Variants in PTER observed in about 807,000 individuals in gnomAD.
PTER encodes phosphotriesterase related, also known as N-acetyltaurine hydrolase.
A neutral mutation model predicts 29.6 loss-of-function variants in PTER; 38 were observed. The observed-to-expected ratio is 1.28, with a 90% CI of 0.99 to 1.68. The LOEUF is 1.68. Among genes scored for constraint, PTER ranks in the 40% most tolerant of loss-of-function variants. The pLI, the probability that PTER is intolerant of heterozygous loss-of-function variation, is 0.00. For synonymous variants in PTER, 172 were observed against 154.5 expected, an observed-to-expected ratio of 1.11 and a Z score of -0.84; for missense variants, 482 against 427.8, an observed-to-expected ratio of 1.13 and a Z score of -1.12.
At chr10:16,508,259 G>A (rs559572819) in intron 4 of PTER, among the ~76,000 whole-genome samples, 6 of 151,824 alleles carry the variant, frequency 4.0e-5, no homozygotes, top group South Asian at 2.1e-4. Flanking sequence ...TAGTAGAGAC[G>A]GGGTTTCACC....
At chr10:16,474,894 A>G (rs1835203252) in intron 1 of PTER, among the ~76,000 whole-genome samples, 2 of 152,066 alleles carry the variant, frequency 1.3e-5, no homozygotes, top group African/African-American at 4.8e-5. Context: ...CTCAAAAAAC[A>G]AAACAAAACA....
intron 1 of PTER, among the ~76,000 whole-genome samples, chr10:16,478,217 G>A (rs1194640136): frequency 6.6e-6 from 1 of 152,124 alleles, no homozygotes; most frequent in Non-Finnish European, 1.5e-5. Context: ...ACAGTGTCTT[G>A]ACAATAATAT....
intron 1 of PTER, chr10:16,476,108 G>A (rs1484155790): frequency 6.6e-6 from 1 of 151,946 alleles, no homozygotes; most frequent in African/African-American, 2.4e-5. Flanking sequence ...TTTTGAGATG[G>A]AGCCTCGCTC....
chr10:16,504,928 GT>G, intron 3 of PTER, 91 bp from the exon 4 acceptor site: 1 of 1,424,724 alleles, frequency 7.0e-7, no homozygotes, highest in Admixed American at 2.0e-5. Context: ...CTATGTTCTT[GT>G]TCTTGTACAT....
chr10:16,512,269 G>A lies in PTER; in HGVS notation c.*1013G>A, dbSNP rs1298926000. ...TGTAAATAAAATGTTTTTAAAACCT[G>A]TTAGTTAAAACACTTAGGTGATGGG... On this transcript the variant is annotated 3_prime_UTR_variant, in exon 5 of 5. Transcript: ENST00000535784. 6.6e-6 allele frequency: 1 copy of A among 152,074 alleles called. No homozygotes were observed. The highest frequency in any genetic ancestry group is 1.5e-5 in the Non-Finnish European group (1 of 67,978). 9.4% of individuals were successfully genotyped at this position (152,074 alleles called of 1,614,324 possible).
chr10:16,465,536 A>G (rs1245518731), intron 1 of PTER, among the ~76,000 whole-genome samples: 1 of 152,212 alleles, frequency 6.6e-6, no homozygotes, highest in Non-Finnish European at 1.5e-5. Context: ...ATCATTGGTC[A>G]CAAGCCTATA....
intron 1 of PTER, among the ~76,000 whole-genome samples, chr10:16,472,767 A>T (rs1835101294): frequency 6.6e-6 from 1 of 152,166 alleles, no homozygotes; most frequent in African/African-American, 2.4e-5. Context: ...TTGAAATTTG[A>T]ACAGTTTTCT....
At chr10:16,507,087 G>A (rs1836601918) in intron 4 of PTER, among the ~76,000 whole-genome samples, 1 of 151,688 alleles carries the variant, frequency 6.6e-6, no homozygotes. Flanking sequence ...GTTGAGATGA[G>A]GGTCATGGGA....
intron 1 of PTER, among the ~76,000 whole-genome samples, chr10:16,469,250 G>A (rs1395430459): frequency 6.6e-6 from 1 of 152,158 alleles, no homozygotes; most frequent in African/African-American, 2.4e-5. Context: ...CGACAGGGGA[G>A]AAGATAAAAA....
At chr10:16,504,976 A>G (rs1002990937) in intron 3 of PTER, 44 bp from the exon 4 acceptor site, 1 of 1,606,038 alleles carries the variant, frequency 6.2e-7, no homozygotes, top group African/African-American at 1.3e-5. Flanking sequence ...CATGTGGAAA[A>G]TGGGCTCTTC....
chr10:16,501,417 C>T (rs1836345058), intron 3 of PTER, among the ~76,000 whole-genome samples: 4 of 151,604 alleles, frequency 2.6e-5, no homozygotes, highest in Admixed American at 6.6e-5. Context: ...AAGCAGTTGT[C>T]ATGATTACCA....
chr10:16,500,798 T>C (rs1002783972), intron 3 of PTER, among the ~76,000 whole-genome samples: 3 of 152,112 alleles, frequency 2.0e-5, no homozygotes, highest in African/African-American at 7.2e-5. Flanking sequence ...TGGAGTCTAG[T>C]GGTGTGACCA....
chr10:16,455,187 C>T (rs927981478), intron 1 of PTER, among the ~76,000 whole-genome samples: 6 of 152,028 alleles, frequency 3.9e-5, no homozygotes, highest in African/African-American at 1.2e-4. Flanking sequence ...TATAATCATG[C>T]CACTTTACTC....
intron 3 of PTER, among the ~76,000 whole-genome samples, chr10:16,502,499 T>C (rs541753311): frequency 6.6e-6 from 1 of 152,082 alleles, no homozygotes. Context: ...AAAGGAAAGA[T>C]TTTTTAGCCT....
At chr10:16,469,391 G>A (rs1044849315) in intron 1 of PTER, among the ~76,000 whole-genome samples, 7 of 152,298 alleles carry the variant, frequency 4.6e-5, no homozygotes, top group East Asian at 1.9e-4. Flanking sequence ...TAGAAAGAGC[G>A]CTGTATAGGC....
At chr10:16,447,280 G>A (rs1019424901) in intron 1 of PTER, among the ~76,000 whole-genome samples, 5 of 149,600 alleles carry the variant, frequency 3.3e-5, no homozygotes, top group Non-Finnish European at 7.4e-5. Flanking sequence ...TTTTACTTTT[G>A]TAGAGATAAG....
chr10:16,454,811 TATATA>T (rs1834336367), intron 1 of PTER, among the ~76,000 whole-genome samples: 1 of 151,844 alleles, frequency 6.6e-6, no homozygotes, highest in African/African-American at 2.4e-5. Flanking sequence ...TAAATACTAA[TATATA>T]ATAATAAACT....
At chr10:16,455,287 G>C (rs1334050911) in intron 1 of PTER, among the ~76,000 whole-genome samples, 1 of 152,006 alleles carries the variant, frequency 6.6e-6, no homozygotes, top group Non-Finnish European at 1.5e-5. Flanking sequence ...ATCAGACCAA[G>C]GGCCAGAAAA....
At chr10:16,452,086 G>A (rs1038108204) in intron 1 of PTER, among the ~76,000 whole-genome samples, 1 of 151,912 alleles carries the variant, frequency 6.6e-6, no homozygotes, top group South Asian at 2.1e-4. Flanking sequence ...GGCTTGCAAT[G>A]TTGATTACTT....
Sources: allele counts gnomAD v4.1 joint callset (sites outside exome capture counted in the v4.1 genomes callset), GRCh38; gene constraint gnomAD v4.1.1; transcripts MANE v1.5; gene names NCBI Gene and HGNC (gene_info 2026-07-23, HGNC 2026-07-21).